The following DNAH17 variants were observed in gnomAD, a reference collection of about 807,000 sequenced individuals.
The protein encoded by DNAH17 is dynein axonemal heavy chain 17.
DNAH17 carries 376 observed loss-of-function variants against 485.6 expected under a neutral mutation model. The ratio of observed to expected loss-of-function variants is 0.77; its 90% confidence interval spans 0.71 to 0.84. The LOEUF (loss-of-function observed/expected upper bound fraction) is 0.84, where lower values mean the gene tolerates loss of function less well. DNAH17 is among the 40% of genes least tolerant of loss of function. The probability of loss-of-function intolerance (pLI) is 0.00; values close to 1 mark genes in which losing one functional copy is unlikely to be tolerated. For synonymous variants in DNAH17, 3,031 were observed against 2,405.9 expected, an observed-to-expected ratio of 1.26 and a Z score of -7.60; for missense variants, 6,370 against 5,839.3, an observed-to-expected ratio of 1.09 and a Z score of -2.96.
chr17:78,472,572 TG>T (rs2088812753), intron 54 of DNAH17: 1 of 329,650 alleles, frequency 3.0e-6, no homozygotes, highest in African/African-American at 2.2e-5. Context: ...TGACTCAGGC[TG>T]GGGTGAAGGT....
In DNAH17 at chr17:78,444,698, C is replaced by T. The variant is rs776360838; in HGVS notation, c.11434G>A (p.Glu3812Lys). ...TTCTTCCACTCCTTGGGGAAGATCTCCTTCTCGGGGGCTTCCGACTCCACC... is the reference window on the plus strand; with the variant it reads ...TTCTTCCACTCCTTGGGGAAGATCTTCTTCTCGGGGGCTTCCGACTCCACC... ...KLVESEAPEK[E>K]IFPKEWKNKT... is the part of the protein sequence containing the mutation. The change falls in exon 71 of 81, where the codon GAG becomes AAG. Residue 3812 changes from glutamate (E) to lysine (K), a missense_variant. Transcript: ENST00000389840. 7.5e-6 allele frequency: 12 copies of T among 1,610,002 alleles called. No individual in the cohort carries two copies. Among genetic ancestry groups the T allele is most frequent in the Middle Eastern group, 1.7e-4 (1 of 6,056 alleles).
intron 54 of DNAH17, chr17:78,472,826 G>A (rs55955947): frequency 0.14 from 61,747 of 436,660 alleles, 4,869 homozygotes; most frequent in South Asian, 0.22. Context: ...TTGTGCCCCA[G>A]CTCCACCCAG....
At chr17:78,524,508 G>A (rs145177260) in intron 25 of DNAH17, among the ~76,000 whole-genome samples, 68 of 152,234 alleles carry the variant, frequency 4.5e-4, no homozygotes, top group African/African-American at 1.6e-3. Context: ...TCCACCACAT[G>A]AGGATGCAGT....
At chr17:78,460,075 A>G (rs2088022665) in intron 59 of DNAH17, 74 bp from the exon 60 acceptor site, 3 of 1,591,922 alleles carry the variant, frequency 1.9e-6, no homozygotes, top group South Asian at 1.1e-5. Context: ...AGAAGCCGCC[A>G]TGAGTGTGTC....
chr17:78,460,780 G>A (rs2088080199), intron 58 of DNAH17, among the ~76,000 whole-genome samples: 2 of 152,108 alleles, frequency 1.3e-5, no homozygotes, highest in Non-Finnish European at 2.9e-5. Flanking sequence ...CAGTCTTATT[G>A]TTTCTGGGGC....
intron 71 of DNAH17, among the ~76,000 whole-genome samples, chr17:78,444,201 G>A (rs957011770): frequency 1.3e-5 from 2 of 152,184 alleles, no homozygotes; most frequent in Admixed American, 6.5e-5. Context: ...CCATTTGTAT[G>A]GCCTCAGTGC....
chr17:78,451,197 C>T (rs1046307779), intron 66 of DNAH17, among the ~76,000 whole-genome samples: 1 of 152,254 alleles, frequency 6.6e-6, no homozygotes, highest in African/African-American at 2.4e-5. Context: ...GCTTAGAGCC[C>T]CCGAGGACCG....
intron 80 of DNAH17, chr17:78,424,441 C>T (rs754003335): frequency 1.8e-5 from 7 of 383,340 alleles, no homozygotes; most frequent in Non-Finnish European, 3.3e-5. Flanking sequence ...GCCTTAATGT[C>T]AGTGGCAGGA....
chr17:78,500,937 T>C (rs1365694957), intron 35 of DNAH17: 4 of 384,644 alleles, frequency 1.0e-5, no homozygotes, highest in Non-Finnish European at 1.8e-5. Context: ...AGTCTGCTCA[T>C]GAGGGTCCAT....
rs533607200 is a variant in DNAH17, at chr17:78,510,682, C to G, written c.4114-176G>C. 8 of 756,142 alleles carry G rather than the reference C, an allele frequency of 1.1e-5. No homozygotes were observed. In the African/African-American group the frequency reaches 1.4e-4, roughly 13 times the overall value. The allele number at this position is 756,142 out of a possible 1,614,324, so 46.8% of individuals were successfully genotyped here. On this transcript the variant is annotated intron_variant, in intron 26 of 80. Transcript: ENST00000389840. ...TCTGAGACTTGAGGAAGTGACTTCT[C>G]CAAGCCTCACCTTCCTTCCCTGTAA...
In DNAH17 at chr17:78,529,559, G is replaced by A. The variant is rs1263418525; in HGVS notation, c.3420C>T (p.Asp1140=). 6.2e-7 allele frequency: 1 copy of A among 1,613,812 alleles called. No homozygotes were observed. The highest frequency in any genetic ancestry group is 2.2e-5 in the East Asian group (1 of 44,886). ...TTTGCTTCAGGGGCTCAAACATGTT[G>A]TCGGTGGCTGCTTGCCTCTCCTTGA... The part of the protein sequence containing the change: ...MKVKERQAAT[D]NMFEPLKQTI... Residue 1140 remains aspartate (D), a synonymous_variant, in exon 22 of 81, where the codon GAC becomes GAT. Coordinates refer to ENST00000389840, the MANE Select transcript of DNAH17 (RefSeq NM_173628.4).
intron 72 of DNAH17, among the ~76,000 whole-genome samples, chr17:78,439,613 G>A (rs1384739265): frequency 1.3e-5 from 2 of 151,170 alleles, no homozygotes; most frequent in East Asian, 3.9e-4. Flanking sequence ...TTCTGTCACT[G>A]AGCATAGTGT....
Position 78,496,013 on chromosome 17 carries a change from G to A in DNAH17, c.5765C>T (p.Ala1922Val). The change falls in exon 38 of 81, where the codon GCA becomes GTA. Residue 1922 changes from alanine (A) to valine (V), a missense_variant. Physicochemically the swap from Ala to Val is moderately conservative, Grantham distance 64 (BLOSUM62 0). Transcript: ENST00000389840. ...IAVQVKCVQD[A>V]IRAKKKAFNF... ...GAATGCTTTTTTCTTGGCCCGAATT[G>A]CATCCTGGACACATTTTACCTGCAC... The A allele has an allele frequency of 6.2e-7, 1 of 1,613,734 alleles. No individual in the cohort carries two copies. Among genetic ancestry groups the A allele is most frequent in the Non-Finnish European group, 8.5e-7 (1 of 1,179,752 alleles).
rs771742699 is a variant in DNAH17, at chr17:78,569,424, A to G, written c.1148T>C (p.Leu383Pro). The change falls in exon 8 of 81, where the codon CTC becomes CCC. Residue 383 changes from leucine to proline, a missense_variant. By Grantham distance (98) the Leu-to-Pro change is moderately conservative. Coordinates refer to ENST00000389840, the MANE Select transcript of DNAH17 (RefSeq NM_173628.4). ...ISLAVNVLKELYQTYDFCCVN... is the reference protein window; with the variant it reads ...ISLAVNVLKEPYQTYDFCCVN... ...GCAGCAGAAGTCGTACGTCTGGTAG[A>G]GCTCCTTCAGCACATTTACAGCCAG... 71 of 1,612,718 alleles carry G rather than the reference A, an allele frequency of 4.4e-5. No individual in the cohort carries two copies. Among genetic ancestry groups the G allele is most frequent in the Non-Finnish European group, 5.9e-5 (70 of 1,179,328 alleles).
rs1376753634 is a variant in DNAH17, at chr17:78,501,855, G to A, written c.5209C>T (p.Leu1737Phe). The change falls in exon 34 of 81, where the codon CTC (leucine) becomes TTC (phenylalanine). Residue 1737 changes from leucine (L) to phenylalanine (F), a missense_variant. Physicochemically the swap from Leu to Phe is conservative, Grantham distance 22. Transcript: ENST00000389840. ...AGGTTCCCCATGAGCAGCGTGATGA[G>A]TACGTTCAGCTGGCTAATCTGCGGG... is the stretch of plus-strand genomic sequence containing the variant. ...NKKQISQLNV[L>F]ITLLMGNLNA... 2 of 1,614,052 alleles carry A rather than the reference G, an allele frequency of 1.2e-6. No homozygotes were observed. Among genetic ancestry groups the A allele is most frequent in the Admixed American group, 3.3e-5 (2 of 60,032 alleles).
intron 19 of DNAH17, 73 bp downstream of exon 19, chr17:78,537,225 GA>G: frequency 6.9e-7 from 1 of 1,446,700 alleles, no homozygotes; most frequent in Non-Finnish European, 9.4e-7. Flanking sequence ...AAGCCTTGCC[GA>G]GTTAGGGCGG....
chr17:78,564,842 A>G (rs1024535005), intron 11 of DNAH17, among the ~76,000 whole-genome samples: 1 of 152,066 alleles, frequency 6.6e-6, no homozygotes, highest in African/African-American at 2.4e-5. Context: ...AGGGAAGGCC[A>G]TTGCTGAGAA....
intron 14 of DNAH17, among the ~76,000 whole-genome samples, chr17:78,553,858 G>C (rs185115342): frequency 2.3e-4 from 35 of 152,216 alleles, no homozygotes; most frequent in Admixed American, 2.0e-3. Context: ...AATCACAAAG[G>C]TTTGTACTTG....
rs1170688898 is a variant in DNAH17 at position 78,567,249 on chromosome 17, CAGG to C, written c.1285-86_1285-84del. ...TTACAAAACTAGCTCTGACCCCAGG[CAGG>C]AGGAGCTGGGGAGCAAAATGTCCCC... On this transcript the variant is annotated intron_variant, in intron 9 of 80. Coordinates refer to ENST00000389840, the MANE Select transcript of DNAH17 (RefSeq NM_173628.4). 14 of 1,476,962 alleles carry C rather than the reference CAGG, an allele frequency of 9.5e-6. No homozygotes were observed. In the African/African-American group the frequency reaches 1.6e-4, roughly 16 times the overall value. 91.5% of individuals were successfully genotyped at this position (1,476,962 alleles called of 1,614,324 possible).
Sources: allele counts gnomAD v4.1 joint callset (sites outside exome capture counted in the v4.1 genomes callset), GRCh38; gene constraint gnomAD v4.1.1; transcripts MANE v1.5; gene names NCBI Gene and HGNC (gene_info 2026-07-23, HGNC 2026-07-21).